Variants in MEIS2 observed in about 807,000 individuals in gnomAD.
The protein encoded by MEIS2 is homeobox protein Meis2.
Under a neutral mutation model 58.6 loss-of-function variants are expected in MEIS2, and 9 were observed. The ratio of observed to expected loss-of-function variants is 0.15; its 90% CI spans 0.09 to 0.27. The LOEUF is 0.27. Among genes scored for constraint, MEIS2 ranks in the 10% least tolerant of loss-of-function variants. The pLI is 1.00. For synonymous variants in MEIS2, 221 were observed against 228.4 expected (o/e 0.97, Z 0.29); for missense variants, 427 against 635.0 (o/e 0.67, Z 3.52).
At chr15:36,954,691 C>T (rs1464395035) in intron 8 of MEIS2, among the ~76,000 whole-genome samples, 3 of 152,044 alleles carry the variant, frequency 2.0e-5, no homozygotes, top group Non-Finnish European at 4.4e-5. Context: ...GTCTACAAAG[C>T]TGACCAGATG....
chr15:36,893,313 C>T (rs747120378), intron 11 of MEIS2, among the ~76,000 whole-genome samples: 49 of 152,176 alleles, frequency 3.2e-4, no homozygotes, highest in Non-Finnish European at 5.7e-4. Flanking sequence ...TCTATTTAAC[C>T]TCCAGTGCAT....
chr15:36,946,149 A>G (rs2058556151), intron 9 of MEIS2, among the ~76,000 whole-genome samples: 1 of 151,990 alleles, frequency 6.6e-6, no homozygotes, highest in African/African-American at 2.4e-5. Context: ...AAAGGATTTT[A>G]ATTGTCAAAG....
chr15:36,983,480 C>CTCTT (rs2059995776), intron 8 of MEIS2, among the ~76,000 whole-genome samples: 1 of 151,734 alleles, frequency 6.6e-6, no homozygotes, highest in Non-Finnish European at 1.5e-5. Flanking sequence ...TTTCTAGGTT[C>CTCTT]TCTATTCTAT....
intron 8 of MEIS2, among the ~76,000 whole-genome samples, chr15:37,017,791 A>T (rs577274812): frequency 6.6e-6 from 1 of 152,092 alleles, no homozygotes; most frequent in African/African-American, 2.4e-5. Context: ...TCCTTCATTT[A>T]TTTCTATCTC....
chr15:37,050,218 C>G (rs559850914), intron 7 of MEIS2, among the ~76,000 whole-genome samples: 19 of 152,288 alleles, frequency 1.2e-4, no homozygotes, highest in Admixed American at 7.2e-4. Flanking sequence ...CATCCCACAT[C>G]CCATGCCTAC....
chr15:37,004,806 A>G (rs1208665006), intron 8 of MEIS2, among the ~76,000 whole-genome samples: 1 of 152,224 alleles, frequency 6.6e-6, no homozygotes, highest in African/African-American at 2.4e-5. Context: ...ATGTTCCATC[A>G]AGATTATAAT....
At chr15:36,988,539 C>T (rs1378141487) in intron 8 of MEIS2, among the ~76,000 whole-genome samples, 1 of 152,168 alleles carries the variant, frequency 6.6e-6, no homozygotes, top group Non-Finnish European at 1.5e-5. Flanking sequence ...TAATAGATAA[C>T]AGTCCTGAGG....
chr15:37,067,799 G>T (rs1890157266), intron 7 of MEIS2, among the ~76,000 whole-genome samples: 1 of 152,080 alleles, frequency 6.6e-6, no homozygotes, highest in South Asian at 2.1e-4. Context: ...GAGAAAGAAA[G>T]TGTCTTGAGC....
intron 9 of MEIS2, among the ~76,000 whole-genome samples, chr15:36,920,217 T>C (rs2057446940): frequency 1.3e-5 from 2 of 152,188 alleles, no homozygotes; most frequent in South Asian, 4.1e-4. Context: ...TGGCTCAATC[T>C]TGGCTCACCG....
At chr15:36,992,726 A>G (rs2060340623) in intron 8 of MEIS2, among the ~76,000 whole-genome samples, 1 of 151,708 alleles carries the variant, frequency 6.6e-6, no homozygotes, top group Non-Finnish European at 1.5e-5. Flanking sequence ...CAGAGCAAAT[A>G]CTCGTGAAAT....
At chr15:37,017,973 C>T (rs2061404526) in intron 8 of MEIS2, among the ~76,000 whole-genome samples, 1 of 152,104 alleles carries the variant, frequency 6.6e-6, no homozygotes, top group Non-Finnish European at 1.5e-5. Context: ...GCCAACCTCC[C>T]CCAGTATTTA....
At position 37,089,048 on chromosome 15, in the gene MEIS2, T is replaced by C. The variant is rs188563697; in HGVS notation, c.639+4533A>G. Among the ~76,000 whole-genome samples, 256 of 152,188 alleles carry C rather than the reference T, an allele frequency of 1.7e-3. 2 individuals are homozygous for C. Among genetic ancestry groups the C allele is most frequent in the Admixed American group, 5.2e-3 (79 of 15,286 alleles). On this transcript the variant is annotated intron_variant, in intron 6 of 11. Coordinates refer to ENST00000561208, the MANE Select transcript of MEIS2 (RefSeq NM_170675.5). ...ATTTAAATAGTATAATTATTCTTAA[T>C]GGGGAATTAAGAAAGCTAACAACCA...
chr15:37,023,911 CTTTTTTTTTT>C (rs35244111), intron 8 of MEIS2, among the ~76,000 whole-genome samples: 2 of 101,516 alleles, frequency 2.0e-5, no homozygotes, highest in Non-Finnish European at 1.9e-5. Flanking sequence ...TTTTCTCTCT[CTTTTTTTTTT>C]TTTTTTTTTT....
intron 7 of MEIS2, among the ~76,000 whole-genome samples, chr15:37,057,811 G>A (rs1241536556): frequency 6.6e-6 from 1 of 151,996 alleles, no homozygotes; most frequent in East Asian, 1.9e-4. Flanking sequence ...CAGACGACAG[G>A]GTAAAGAGAG....
Position 37,098,423 on chromosome 15 carries a change from A to AGAGAGAGAGG in MEIS2, c.13-225_13-224insCCTCTCTCTC, listed in dbSNP as rs1555474187. 4.0e-4 allele frequency: 473 copies of AGAGAGAGAGG among 1,194,680 alleles called. 11 individuals are homozygous for AGAGAGAGAGG. In the African/African-American group the frequency reaches 7.4e-3, roughly 19 times the overall value. The allele number at this position is 1,194,680 out of a possible 1,614,324, so 74.0% of individuals were successfully genotyped here. ...GAGAGAGAGAGAGAGAGAGAGAGAG[A>AGAGAGAGAGG]GAAAATAAAAATAAAAACAAAGTCA... is the stretch of plus-strand genomic sequence containing the variant. On this transcript the variant is annotated intron_variant, in intron 1 of 11. Transcript: ENST00000561208.
At chr15:37,012,639 A>G (rs1391421848) in intron 8 of MEIS2, among the ~76,000 whole-genome samples, 2 of 152,202 alleles carry the variant, frequency 1.3e-5, no homozygotes, top group African/African-American at 4.8e-5. Flanking sequence ...TATTTTACAT[A>G]TATTTGTAAT....
chr15:37,007,210 A>G (rs2060953663), intron 8 of MEIS2, among the ~76,000 whole-genome samples: 1 of 152,166 alleles, frequency 6.6e-6, no homozygotes, highest in African/African-American at 2.4e-5. Flanking sequence ...GACTTTTGCT[A>G]GAGGCTTCTG....
At chr15:36,894,937 A>C in intron 11 of MEIS2, 2 of 973,704 alleles carry the variant, frequency 2.1e-6, no homozygotes. Flanking sequence ...AAGAAAAAGG[A>C]TGTGTATGGG....
chr15:36,933,789 T>C (rs4924111), intron 9 of MEIS2, among the ~76,000 whole-genome samples: 64,057 of 151,982 alleles, frequency 0.42, 15,257 homozygotes, highest in Non-Finnish European at 0.55. Context: ...AATTTATGCA[T>C]TGGTTTACTT....
Sources: allele counts gnomAD v4.1 joint callset (sites outside exome capture counted in the v4.1 genomes callset), GRCh38; gene constraint gnomAD v4.1.1; transcripts MANE v1.5; gene names NCBI Gene and HGNC (gene_info 2026-07-23, HGNC 2026-07-21).